The following SYT1 variants were observed in gnomAD, a reference collection of about 807,000 sequenced individuals.
SYT1 encodes synaptotagmin-1.
SYT1 carries 8 observed loss-of-function variants against 44.8 expected under a neutral mutation model. The ratio of observed to expected loss-of-function variants is 0.18; its 90% CI spans 0.10 to 0.32. The LOEUF (loss-of-function observed/expected upper bound fraction) is 0.32, where lower values mean the gene tolerates loss of function less well. Among genes scored for constraint, SYT1 ranks in the 10% least tolerant of loss-of-function variants. The pLI is 1.00. For missense variants in SYT1, 286 were observed against 509.3 expected (o/e 0.56, Z 4.22); for synonymous variants, 154 against 188.8 (o/e 0.82, Z 1.51).
At chr12:79,220,023 T>C (rs1427003478) in intron 4 of SYT1, among the ~76,000 whole-genome samples, 1 of 152,084 alleles carries the variant, frequency 6.6e-6, no homozygotes. Context: ...TCTTCAAATG[T>C]TTCATAGAGA....
intron 3 of SYT1, among the ~76,000 whole-genome samples, chr12:79,201,563 C>G (rs147417679): frequency 1.1e-3 from 162 of 152,228 alleles, no homozygotes; most frequent in African/African-American, 3.4e-3. Flanking sequence ...TGACACTACC[C>G]AATTCACAAG....
At chr12:79,153,055 C>G (rs1870375202) in intron 3 of SYT1, among the ~76,000 whole-genome samples, 1 of 151,746 alleles carries the variant, frequency 6.6e-6, no homozygotes, top group South Asian at 2.1e-4. Context: ...GCTATAAGTG[C>G]CTATTTCCCA....
rs754816694 is a variant in SYT1, at chr12:79,292,077, G to A, written c.421G>A (p.Glu141Lys). 1.9e-6 allele frequency: 3 copies of A among 1,613,948 alleles called. No homozygotes were observed. Among genetic ancestry groups the A allele is most frequent in the African/African-American group, 1.3e-5 (1 of 74,904 alleles). The stretch of plus-strand genomic sequence containing the variant: ...AGAAAAAGAAGAACCCAAAGAAGAG[G>A]AGAAACTGGGAAAACTTCAGTATTC... ...GEEKEEPKEE[E>K]KLGKLQYSLD... Residue 141 changes from glutamate (E) to lysine (K), a missense_variant, in exon 6 of 11, where the codon GAG (glutamate) becomes AAG (lysine). By Grantham distance (56) the Glu-to-Lys change is moderately conservative. Transcript: ENST00000261205.
At chr12:78,951,515 TA>T (rs1256595101) in intron 1 of SYT1, among the ~76,000 whole-genome samples, 58 of 152,278 alleles carry the variant, frequency 3.8e-4, no homozygotes, top group African/African-American at 1.3e-3. Context: ...AACACCAGTG[TA>T]ATTTTGGTTT....
intron 1 of SYT1, among the ~76,000 whole-genome samples, chr12:78,913,380 TC>T (rs1876454758): frequency 6.6e-6 from 1 of 151,304 alleles, no homozygotes. Context: ...TTCTATTTCT[TC>T]AAGAAACAAT....
At chr12:78,976,267 A>G (rs933846982) in intron 1 of SYT1, among the ~76,000 whole-genome samples, 1 of 152,228 alleles carries the variant, frequency 6.6e-6, no homozygotes, top group African/African-American at 2.4e-5. Context: ...TAGGCAATTA[A>G]TATTCATTAA....
chr12:79,376,134 A>G (rs973526017), intron 9 of SYT1, among the ~76,000 whole-genome samples: 3 of 152,146 alleles, frequency 2.0e-5, no homozygotes, highest in Non-Finnish European at 4.4e-5. Context: ...CTTAATCTAA[A>G]TGTTACAGGA....
intron 3 of SYT1, among the ~76,000 whole-genome samples, chr12:79,131,251 T>TTAGG (rs1260972659): frequency 2.0e-5 from 3 of 152,180 alleles, no homozygotes; most frequent in Non-Finnish European, 2.9e-5. Context: ...GTCATCTACA[T>TTAGG]TAGGTATTTC....
At chr12:79,105,630 CA>C (rs1878672238) in intron 3 of SYT1, among the ~76,000 whole-genome samples, 1 of 152,142 alleles carries the variant, frequency 6.6e-6, no homozygotes, top group Admixed American at 6.5e-5. Flanking sequence ...CCTGTAATCC[CA>C]GCACTTTGGT....
intron 4 of SYT1, among the ~76,000 whole-genome samples, chr12:79,267,104 GA>G (rs901957845): frequency 3.3e-5 from 5 of 151,782 alleles, no homozygotes; most frequent in East Asian, 1.9e-4. Context: ...GGTAGTGGAG[GA>G]AAAAAAATCC....
intron 4 of SYT1, among the ~76,000 whole-genome samples, chr12:79,247,625 TG>T (rs1316405796): frequency 6.6e-6 from 1 of 152,178 alleles, no homozygotes; most frequent in African/African-American, 2.4e-5. Flanking sequence ...ACCTACACAT[TG>T]GCCGTGGATC....
intron 2 of SYT1, among the ~76,000 whole-genome samples, chr12:79,027,498 T>C (rs932322163): frequency 6.6e-6 from 1 of 151,246 alleles, no homozygotes; most frequent in East Asian, 1.9e-4. Context: ...AGTATGCTTT[T>C]TATTATATAT....
At position 79,313,744 on chromosome 12, in the gene SYT1, C is replaced by T. The variant is rs551471587; in HGVS notation, c.810+14193C>T. On this transcript the variant is annotated intron_variant, in intron 8 of 10. Coordinates refer to ENST00000261205, the MANE Select transcript of SYT1 (RefSeq NM_005639.3). ...CTCCGCTTACTACTGATGTCTCCTT[C>T]GGCTTGTTGCTTAATCCTTTCATAA... is the stretch of plus-strand genomic sequence containing the variant. Among the ~76,000 whole-genome samples, 9 of 152,202 alleles carry T rather than the reference C, an allele frequency of 5.9e-5. No homozygotes were observed. In the South Asian group the frequency reaches 6.2e-4, roughly 11 times the overall value.
chr12:78,950,603 C>T (rs1592597186), intron 1 of SYT1, among the ~76,000 whole-genome samples: 1 of 152,088 alleles, frequency 6.6e-6, no homozygotes, highest in African/African-American at 2.4e-5. Context: ...TTGAAAGACA[C>T]ATACATAATA....
At chr12:78,870,950 A>G (rs1251951513) in intron 1 of SYT1, among the ~76,000 whole-genome samples, 1 of 152,116 alleles carries the variant, frequency 6.6e-6, no homozygotes, top group Non-Finnish European at 1.5e-5. Context: ...TGAATCTTAT[A>G]TAATTTTAGG....
At chr12:78,883,844 G>T (rs558095338) in intron 1 of SYT1, among the ~76,000 whole-genome samples, 2 of 151,510 alleles carry the variant, frequency 1.3e-5, no homozygotes, top group Non-Finnish European at 1.5e-5. Context: ...CACTGAAAAA[G>T]TTATTCCTTC....
At chr12:78,936,900 C>A (rs1431329811) in intron 1 of SYT1, among the ~76,000 whole-genome samples, 1 of 152,106 alleles carries the variant, frequency 6.6e-6, no homozygotes, top group African/African-American at 2.4e-5. Context: ...CAACTTGGAG[C>A]AAGGTACCCC....
chr12:79,274,415 G>A (rs1338477063), intron 4 of SYT1, among the ~76,000 whole-genome samples: 1 of 152,200 alleles, frequency 6.6e-6, no homozygotes, highest in African/African-American at 2.4e-5. Flanking sequence ...AGAGCTGAGT[G>A]GGTCTCACTG....
intron 2 of SYT1, among the ~76,000 whole-genome samples, chr12:78,982,717 A>T (rs1321790360): frequency 6.6e-6 from 1 of 152,168 alleles, no homozygotes; most frequent in East Asian, 1.9e-4. Flanking sequence ...CAAAGCATAG[A>T]AGTGATACCT....
Sources: gnomAD v4.1 joint callset for allele counts (sites outside exome capture counted in the v4.1 genomes callset) on GRCh38, gnomAD v4.1.1 for gene constraint, MANE v1.5 for transcripts, NCBI Gene and HGNC (gene_info 2026-07-23, HGNC 2026-07-21) for gene names.